Variants in SP140 observed in about 807,000 individuals in gnomAD.
SP140 encodes SP140 nuclear body protein.
Under a neutral mutation model 125.0 loss-of-function variants are expected in SP140, and 81 were observed. The observed-to-expected ratio is 0.65, with a 90% CI of 0.54 to 0.78. SP140 has a LOEUF of 0.78. Ranked by LOEUF, SP140 falls within the 30% of genes least tolerant of loss-of-function variation. The pLI is 0.00. For synonymous variants in SP140, 312 were observed against 354.0 expected (o/e 0.88, Z 1.33); for missense variants, 858 against 1,037.0 (o/e 0.83, Z 2.37).
At chr2:230,194,447 CA>C in the SP140 span, among the ~76,000 whole-genome samples, 1 of 146,200 alleles carries the variant, frequency 6.8e-6, no homozygotes, top group Non-Finnish European at 1.5e-5. Flanking sequence ...AAAAAATTTA[CA>C]AAATAAATTA....
At chr2:230,265,790 C>CGGG (rs34044277) in intron 12 of SP140, among the ~76,000 whole-genome samples, 9 of 142,542 alleles carry the variant, frequency 6.3e-5, no homozygotes, top group African/African-American at 2.0e-4. Flanking sequence ...CTCAGTTTTA[C>CGGG]GGGGGGGGGC....
intron 23 of SP140, chr2:230,310,359 T>C (rs1559380353): frequency 2.1e-6 from 1 of 483,538 alleles, no homozygotes; most frequent in Non-Finnish European, 3.8e-6. Flanking sequence ...GTTTATATTT[T>C]GTGCTTATTC....
chr2:230,197,187 C>G, the SP140 span, among the ~76,000 whole-genome samples: 1 of 151,870 alleles, frequency 6.6e-6, no homozygotes, highest in South Asian at 2.1e-4. Context: ...TATTTCTCCA[C>G]ATCCTCTCCA....
chr2:230,210,263 T>G (rs1415485904), intron 1 of SP140, among the ~76,000 whole-genome samples: 1 of 152,184 alleles, frequency 6.6e-6, no homozygotes, highest in Non-Finnish European at 1.5e-5. Flanking sequence ...AGAGAGATTA[T>G]CTTATGGATG....
intron 3 of SP140, among the ~76,000 whole-genome samples, chr2:230,241,129 C>T (rs80254094): frequency 6.6e-6 from 1 of 152,238 alleles, no homozygotes; most frequent in African/African-American, 2.4e-5. Flanking sequence ...AAGGAAGGCG[C>T]CATTGCTGGT....
intron 3 of SP140, among the ~76,000 whole-genome samples, chr2:230,220,358 A>G (rs2045709435): frequency 6.6e-6 from 1 of 152,256 alleles, no homozygotes; most frequent in Non-Finnish European, 1.5e-5. Context: ...ATGTTTACAT[A>G]ACTGAATGAA....
chr2:230,285,735 C>T lies in SP140; in HGVS notation c.1565-17C>T, dbSNP rs1224699684. On this transcript the variant is annotated splice_polypyrimidine_tract_variant and intron_variant, in intron 16 of 26. Coordinates refer to ENST00000392045, the MANE Select transcript of SP140 (RefSeq NM_007237.5). ...CTGCCCAGTTCTATTAATACATTTT[C>T]CCCTGCCTATCCCCAGATAATAGCA... 1.9e-6 allele frequency: 3 copies of T among 1,603,158 alleles called. No homozygotes were observed. The highest frequency in any genetic ancestry group is 3.3e-5 in the Admixed American group (2 of 59,970).
chr2:230,262,893 G>C (rs2052505426), intron 12 of SP140, among the ~76,000 whole-genome samples: 1 of 152,094 alleles, frequency 6.6e-6, no homozygotes, highest in Admixed American at 6.5e-5. Flanking sequence ...GTCTATCTTG[G>C]AGAAAGTTCC....
At chr2:230,246,680 G>T (rs180903768) in intron 7 of SP140, among the ~76,000 whole-genome samples, 4 of 152,120 alleles carry the variant, frequency 2.6e-5, no homozygotes, top group Non-Finnish European at 5.9e-5. Flanking sequence ...TTAAATTTTG[G>T]ATTGAAAAAT....
intron 2 of SP140, among the ~76,000 whole-genome samples, chr2:230,238,008 T>C (rs1405139640): frequency 6.6e-6 from 1 of 152,170 alleles, no homozygotes; most frequent in Non-Finnish European, 1.5e-5. Flanking sequence ...AAAATTACTC[T>C]CTCCCCTTAA....
At chr2:230,238,595 C>A in intron 3 of SP140, 2 of 753,370 alleles carry the variant, frequency 2.7e-6, no homozygotes, top group Non-Finnish European at 4.3e-6. Flanking sequence ...AGTAATCCTG[C>A]AAATGGTTGC....
At chr2:230,202,818 C>T (rs2043314883), upstream of SP140, 4 of 1,199,946 alleles carry the variant, frequency 3.3e-6, no homozygotes, top group Admixed American at 6.7e-5. Context: ...TTCTCATGCC[C>T]CTAACTCCCA....
Position 230,253,273 on chromosome 2 carries a change from T to C in SP140, c.1058-43T>C, listed in dbSNP as rs1011256858. On this transcript the variant is annotated intron_variant, in intron 10 of 26. Transcript: ENST00000392045. ...ATTTTCCCATCTTGGATGGCGTGAA[T>C]GCACTGAGGTCTGTGTCCAAGTCAC... 2.2e-6 allele frequency: 3 copies of C among 1,380,748 alleles called. No homozygotes were observed. In the African/African-American group the frequency reaches 4.3e-5, roughly 20 times the overall value. 85.5% of individuals were successfully genotyped at this position (1,380,748 alleles called of 1,614,324 possible). A position where few individuals can be genotyped will look rare whatever the true frequency, so the allele number is the denominator to read the frequency against.
At chr2:230,244,887 GT>G (rs1004519454) in intron 5 of SP140, 100 bp from the exon 6 acceptor site, 8 of 797,594 alleles carry the variant, frequency 1.0e-5, no homozygotes, top group African/African-American at 6.9e-5. Context: ...GAGCAATAGT[GT>G]TTTTTTGCAA....
chr2:230,211,540 G>A lies in SP140; in HGVS notation c.-322-2114G>A. On this transcript the variant is annotated intron_variant, in intron 1 of 4. Coordinates refer to the SP140 transcript ENST00000456542. This position sits in a 1 kb window ranked among gnomAD's most constrained non-coding sequence, Gnocchi z 4.2. ...CTTTATCTCTTATTTGGGGGATCAG[G>A]TTGTCACTGGCCACTGAATGGAGGA... is the stretch of plus-strand genomic sequence containing the variant. 2 of 1,606,474 alleles carry A rather than the reference G, an allele frequency of 1.2e-6. No homozygotes were observed.
chr2:230,252,348 G>A (rs2050499971), intron 10 of SP140, among the ~76,000 whole-genome samples: 1 of 152,070 alleles, frequency 6.6e-6, no homozygotes, highest in Non-Finnish European at 1.5e-5. Flanking sequence ...GAAGGTGTAT[G>A]AAGATATAAG....
At chr2:230,298,080 C>G (rs957452423) in intron 22 of SP140, among the ~76,000 whole-genome samples, 1 of 152,148 alleles carries the variant, frequency 6.6e-6, no homozygotes, top group Admixed American at 6.5e-5. Context: ...CCATCACGAC[C>G]TAGCAAATCC....
At chr2:230,310,217 T>TAA (rs1459913007) in intron 23 of SP140, 178 bp downstream of exon 23, 6 of 613,042 alleles carry the variant, frequency 9.8e-6, no homozygotes, top group Non-Finnish European at 1.4e-5. Flanking sequence ...AGGAGGTTAA[T>TAA]GTCCTCTGTG....
Position 230,211,621 on chromosome 2 carries a change from A to G in SP140, c.-322-2033A>G, listed in dbSNP as rs150406842. 2.6e-3 allele frequency: 2,445 copies of G among 946,774 alleles called. 31 individuals are homozygous for G. In the African/African-American group the frequency reaches 0.035, roughly 13 times the overall value. The allele number at this position is 946,774 out of a possible 1,614,324, so 58.6% of individuals were successfully genotyped here. On this transcript the variant is annotated intron_variant, in intron 1 of 4. Transcript: ENST00000456542. This position sits in a 1 kb window ranked among gnomAD's most constrained non-coding sequence, Gnocchi z 4.2. ...GCAGGGACCAGAATGAGGAGAAAAG[A>G]GAATGCTCTATTCCAACAAGTAAAA...
Sources: gnomAD v4.1 joint callset for allele counts (sites outside exome capture counted in the v4.1 genomes callset) on GRCh38, gnomAD v4.1.1 for gene constraint, Gnocchi (gnomAD v3.1) non-coding constraint, MANE v1.5 for transcripts, NCBI Gene and HGNC (gene_info 2026-07-23, HGNC 2026-07-21) for gene names.